Variants in CACNA1I observed in about 807,000 individuals in gnomAD.
CACNA1I encodes calcium voltage-gated channel subunit alpha1 I, also known as voltage-dependent T-type calcium channel subunit alpha-1I.
CACNA1I carries 74 observed loss-of-function variants against 201.6 expected under a neutral mutation model. The observed-to-expected ratio is 0.37, with a 90% CI of 0.30 to 0.45. The LOEUF (loss-of-function observed/expected upper bound fraction) is 0.45, where lower values mean the gene tolerates loss of function less well. Among genes scored for constraint, CACNA1I ranks in the 20% least tolerant of loss-of-function variants. The pLI, the probability that CACNA1I is intolerant of heterozygous loss-of-function variation, is 1.00. For missense variants in CACNA1I, 2,346 were observed against 3,138.1 expected, an observed-to-expected ratio of 0.75 and a Z score of 6.03; for synonymous variants, 1,431 against 1,345.2, an observed-to-expected ratio of 1.06 and a Z score of -1.40.
chr22:39,592,035 CTT>C (rs764796723), intron 1 of CACNA1I, among the ~76,000 whole-genome samples: 1 of 152,306 alleles, frequency 6.6e-6, no homozygotes, highest in Non-Finnish European at 1.5e-5. Context: ...GTTCTGAAGA[CTT>C]TGAGAGGTGT....
chr22:39,656,059 C>T (rs1335043806), intron 10 of CACNA1I, among the ~76,000 whole-genome samples: 1 of 152,206 alleles, frequency 6.6e-6, no homozygotes, highest in African/African-American at 2.4e-5. Flanking sequence ...CAGTCCTCCC[C>T]ACCGAGGGTC....
intron 10 of CACNA1I, among the ~76,000 whole-genome samples, chr22:39,652,056 T>C (rs1427072918): frequency 6.9e-6 from 1 of 145,858 alleles, no homozygotes; most frequent in Non-Finnish European, 1.5e-5. Flanking sequence ...TTTTTTGAGA[T>C]GGAGTCTCAC....
Position 39,686,129 on chromosome 22 carries a change from C to A in CACNA1I, c.6396C>A (p.Leu2132=). 1.6e-6 allele frequency: 2 copies of A among 1,267,616 alleles called. No homozygotes were observed. The highest frequency in any genetic ancestry group is 3.9e-5 in the Admixed American group (1 of 25,580). 78.5% of individuals were successfully genotyped at this position (1,267,616 alleles called of 1,614,324 possible). A position where few individuals can be genotyped will look rare whatever the true frequency, so the allele number is the denominator to read the frequency against. ...EHSETLSSLS[L]TSLFCPPPPP... is the part of the protein sequence containing the mutation. Reference sequence around the variant, plus strand: ...CGGAGACCCTCAGCAGCCTCTCGCTCACCTCCCTCTTCTGCCCGCCGCCCC... The same window carrying A: ...CGGAGACCCTCAGCAGCCTCTCGCTAACCTCCCTCTTCTGCCCGCCGCCCC... Residue 2132 remains leucine, a synonymous_variant, in exon 37 of 37, where the codon CTC becomes CTA. Coordinates refer to ENST00000402142, the MANE Select transcript of CACNA1I (RefSeq NM_021096.4).
chr22:39,677,449 G>A lies in CACNA1I; in HGVS notation c.4933+30G>A, dbSNP rs1162370703. The A allele has an allele frequency of 2.0e-6, 3 of 1,480,080 alleles. No individual in the cohort carries two copies. Among genetic ancestry groups the A allele is most frequent in the Admixed American group, 2.1e-5 (1 of 47,902 alleles). The allele number at this position is 1,480,080 out of a possible 1,614,324, so 91.7% of individuals were successfully genotyped here. ...GTGACTCCCAGAGCAGGCCCGTGGT[G>A]GGGGTGCAGCAGGGCTGCAGGAGGA... On this transcript the variant is annotated intron_variant, in intron 30 of 36. Transcript: ENST00000402142. This position sits in a 1 kb window ranked among gnomAD's most constrained non-coding sequence, Gnocchi z 4.8.
chr22:39,616,783 AAAAAG>A (rs1569063590), intron 3 of CACNA1I, among the ~76,000 whole-genome samples: 1 of 60,604 alleles, frequency 1.7e-5, no homozygotes, highest in Non-Finnish European at 5.7e-5. Flanking sequence ...AAAAAAAAAA[AAAAAG>A]AAAAGAAAAA....
chr22:39,657,881 G>A (rs1209625112), intron 10 of CACNA1I, among the ~76,000 whole-genome samples: 1 of 152,220 alleles, frequency 6.6e-6, no homozygotes, highest in African/African-American at 2.4e-5. Flanking sequence ...CACTTCCCTG[G>A]TAGTGTGCTA....
At chr22:39,660,982 G>A in intron 15 of CACNA1I, 126 bp from the exon 16 acceptor site, 3 of 774,826 alleles carry the variant, frequency 3.9e-6, no homozygotes, top group Middle Eastern at 2.4e-4. Flanking sequence ...TCCTGGTAGA[G>A]GAAGCCTCCT....
chr22:39,613,047 G>A (rs958488096), intron 3 of CACNA1I, among the ~76,000 whole-genome samples: 8 of 152,292 alleles, frequency 5.3e-5, no homozygotes, highest in African/African-American at 1.9e-4. Context: ...AGCCCCCGTG[G>A]GCCCCTTGTG....
intron 1 of CACNA1I, among the ~76,000 whole-genome samples, chr22:39,580,031 C>T (rs2145803685): frequency 6.6e-6 from 1 of 152,298 alleles, no homozygotes; most frequent in Admixed American, 6.5e-5. Context: ...CACTGAGCCC[C>T]TCAGGAGAGA....
rs1393970399 is a variant in CACNA1I, at chr22:39,647,920, G to A, written c.1561G>A (p.Gly521Arg). The A allele has an allele frequency of 6.2e-7, 1 of 1,613,346 alleles. No homozygotes were observed. The highest frequency in any genetic ancestry group is 1.1e-5 in the South Asian group (1 of 91,076). Reference protein sequence around the residue: ...GPASPGNDHSGRELCPQHSPL... With the variant: ...GPASPGNDHSRRELCPQHSPL... ...TGCCTCCCCTGGAAATGATCACTCG[G>A]GAAGAGGCAAGCCAGGGCCACGGGA... Residue 521 changes from glycine (G) to arginine (R), a missense_variant, in exon 9 of 37, where the codon GGA (glycine) becomes AGA (arginine). Physicochemically the swap from Gly to Arg is moderately radical, Grantham distance 125. This residue lies in a region of CACNA1I where 312 missense variants were observed against 331.5 expected (regional missense o/e 0.94). Coordinates refer to ENST00000402142, the MANE Select transcript of CACNA1I (RefSeq NM_021096.4).
At position 39,640,940 on chromosome 22, in the gene CACNA1I, T is replaced by C. The variant is rs1934336224; in HGVS notation, c.814T>C (p.Ser272Pro). Residue 272 changes from serine (S) to proline (P), a missense_variant, in exon 6 of 37, where the codon TCG becomes CCG. Ser to Pro is a moderately conservative substitution (Grantham distance 74). Around this residue, in one of 13 missense-constraint regions of CACNA1I, gnomAD observed 227 missense variants for 412.5 expected, o/e 0.55. Transcript: ENST00000402142. ...TGAGATGCCCTTCATCTGCTCCCTG[T>C]CGGGCGACAATGGGATAATGGGCTG... is the stretch of plus-strand genomic sequence containing the variant. Reference protein sequence around the residue: ...DDEMPFICSLSGDNGIMGCHE... With the variant: ...DDEMPFICSLPGDNGIMGCHE... 1 of 1,613,864 alleles carries C rather than the reference T, an allele frequency of 6.2e-7. No homozygotes were observed. The highest frequency in any genetic ancestry group is 1.7e-5 in the Admixed American group (1 of 59,998).
Position 39,665,567 on chromosome 22 carries a change from C to T in CACNA1I, c.3921C>T (p.Gly1307=). 6.2e-7 allele frequency: 1 copy of T among 1,613,890 alleles called. No individual in the cohort carries two copies. Among genetic ancestry groups the T allele is most frequent in the Admixed American group, 1.7e-5 (1 of 60,014 alleles). The part of the protein sequence containing the change: ...ETLISSLKPI[G]NIVLICCAFF... ...TCATCTCCTCCCTCAAGCCCATCGGCAACATCGTGCTCATCTGCTGTGCCT... is the reference window on the plus strand; with the variant it reads ...TCATCTCCTCCCTCAAGCCCATCGGTAACATCGTGCTCATCTGCTGTGCCT... The change falls in exon 22 of 37, where the codon GGC becomes GGT. Residue 1307 remains glycine, a synonymous_variant. Coordinates refer to ENST00000402142, the MANE Select transcript of CACNA1I (RefSeq NM_021096.4). The surrounding 1 kb of genome is among the most constrained non-coding windows in gnomAD (Gnocchi z 5.5).
At chr22:39,669,755 A>G (rs187589115) in intron 24 of CACNA1I, among the ~76,000 whole-genome samples, 157 of 152,296 alleles carry the variant, frequency 1.0e-3, no homozygotes, top group Non-Finnish European at 1.6e-3. Flanking sequence ...GGATGCATGC[A>G]TAGGTGAATG....
chr22:39,575,856 C>T (rs780257855), intron 1 of CACNA1I, among the ~76,000 whole-genome samples: 1 of 151,830 alleles, frequency 6.6e-6, no homozygotes, highest in Non-Finnish European at 1.5e-5. Context: ...CTCACTGCAA[C>T]CTCTGCCTCC....
chr22:39,571,614 C>G (rs1351135192), intron 1 of CACNA1I, among the ~76,000 whole-genome samples: 1 of 152,084 alleles, frequency 6.6e-6, no homozygotes, highest in African/African-American at 2.4e-5. Flanking sequence ...GGCTTCCCCC[C>G]TGTGCTCTTC....
intron 1 of CACNA1I, among the ~76,000 whole-genome samples, chr22:39,576,861 C>T (rs1932372941): frequency 6.6e-6 from 1 of 152,222 alleles, no homozygotes; most frequent in Non-Finnish European, 1.5e-5. Flanking sequence ...CCGCGCCTTG[C>T]CCCTCTGCCG....
chr22:39,684,332 C>G lies in CACNA1I; in HGVS notation c.5861C>G (p.Ser1954Cys), dbSNP rs750646869. ...APPSPFSPDA[S>C]SPLLPMPAEF... ...CCAAGTCCCTTCTCCCCGGATGCCT[C>G]CAGCCCTCTCCTGCCCATGCCAGCC... The change falls in exon 36 of 37, where the codon TCC becomes TGC. Residue 1954 changes from serine (S) to cysteine (C), a missense_variant. Physicochemically the swap from Ser to Cys is moderately radical, Grantham distance 112 (BLOSUM62 -1). Around this residue, in one of 13 missense-constraint regions of CACNA1I, gnomAD observed 441 missense variants for 555.6 expected, o/e 0.79. Transcript: ENST00000402142. The surrounding 1 kb of genome is among the most constrained non-coding windows in gnomAD (Gnocchi z 4.6). The G allele has an allele frequency of 1.9e-6, 3 of 1,613,448 alleles. No homozygotes were observed. In the Admixed American group the frequency reaches 5.0e-5, roughly 27 times the overall value.
intron 3 of CACNA1I, among the ~76,000 whole-genome samples, chr22:39,613,575 C>A (rs73169382): frequency 0.22 from 32,884 of 152,220 alleles, 4,684 homozygotes; most frequent in Non-Finnish European, 0.32. Flanking sequence ...CCCAAAGTCA[C>A]ATGGGACACA....
At chr22:39,646,451 C>T in intron 7 of CACNA1I, 118 bp from the exon 8 acceptor site, 1 of 1,426,026 alleles carries the variant, frequency 7.0e-7, no homozygotes, top group South Asian at 1.5e-5. Flanking sequence ...CCCCATCTCC[C>T]TCTGCCTCCC....
Sources: allele counts gnomAD v4.1 joint callset (sites outside exome capture counted in the v4.1 genomes callset), GRCh38; gene constraint gnomAD v4.1.1; regional missense constraint gnomAD v4.1.1; non-coding constraint Gnocchi (gnomAD v3.1); transcripts MANE v1.5; gene names NCBI Gene and HGNC (gene_info 2026-07-23, HGNC 2026-07-21).